The following BARD1 variants were observed in gnomAD, a reference collection of about 807,000 sequenced individuals.
The protein encoded by BARD1 is BRCA1 associated RING domain 1, also known as BRCA1-associated RING domain protein 1.
A neutral mutation model predicts 77.0 loss-of-function variants in BARD1; 73 were observed. The observed-to-expected ratio is 0.95, with a 90% confidence interval of 0.79 to 1.15. BARD1 has a LOEUF of 1.15. Among genes scored for constraint, BARD1 ranks in the 50% most tolerant of loss-of-function variants. The probability of loss-of-function intolerance (pLI) is 0.00; values close to 1 mark genes in which losing one functional copy is unlikely to be tolerated. For missense variants in BARD1, 993 were observed against 938.8 expected, an observed-to-expected ratio of 1.06 and a Z score of -0.75; for synonymous variants, 384 against 338.0, an observed-to-expected ratio of 1.14 and a Z score of -1.49.
At chr2:214,748,475 A>G (rs1202053683) in intron 7 of BARD1, among the ~76,000 whole-genome samples, 1 of 152,140 alleles carries the variant, frequency 6.6e-6, no homozygotes, top group African/African-American at 2.4e-5. Context: ...TTTCTTAGAT[A>G]AAATCATTAG....
At position 214,726,487 on chromosome 2, in the gene BARD1, T is replaced by C. The variant is rs191039172; in HGVS notation, c.*2189A>G. On this transcript the variant is annotated 3_prime_UTR_variant, in exon 11 of 11. Transcript: ENST00000260947. ...AGGTAATAAAGTATCTAGTACACTTTAGAAATATTTTTATTCAAAATTAAT... is the reference window on the plus strand; with the variant it reads ...AGGTAATAAAGTATCTAGTACACTTCAGAAATATTTTTATTCAAAATTAAT... The C allele has an allele frequency of 1.7e-4, 36 of 217,602 alleles. No homozygotes were observed. The highest frequency in any genetic ancestry group is 5.8e-4 in the African/African-American group (26 of 44,674). 13.5% of individuals were successfully genotyped at this position (217,602 alleles called of 1,614,324 possible).
chr2:214,793,960 AG>A (rs1190470606), intron 2 of BARD1, among the ~76,000 whole-genome samples: 1 of 152,166 alleles, frequency 6.6e-6, no homozygotes, highest in African/African-American at 2.4e-5. Context: ...TAAAGAAAAC[AG>A]CACTTGTTGG....
intron 4 of BARD1, among the ~76,000 whole-genome samples, chr2:214,778,895 T>C (rs916729468): frequency 6.6e-6 from 1 of 152,186 alleles, no homozygotes; most frequent in East Asian, 1.9e-4. Context: ...GCTTGCCTGA[T>C]AGTCCAAAAA....
chr2:214,777,103 T>C (rs1198803674), intron 4 of BARD1, among the ~76,000 whole-genome samples: 9 of 152,136 alleles, frequency 5.9e-5, no homozygotes, highest in Non-Finnish European at 1.2e-4. Context: ...GACAACATGA[T>C]TTTAGTGTGA....
At chr2:214,790,896 G>A (rs1345240223) in intron 3 of BARD1, among the ~76,000 whole-genome samples, 16 of 152,138 alleles carry the variant, frequency 1.1e-4, no homozygotes, top group Non-Finnish European at 1.3e-4. Context: ...ATGGGCCCTT[G>A]ATTAAGAACC....
intron 6 of BARD1, among the ~76,000 whole-genome samples, chr2:214,766,800 G>A (rs370494228): frequency 2.0e-5 from 3 of 151,946 alleles, no homozygotes; most frequent in East Asian, 1.9e-4. Context: ...ACTTATTATC[G>A]TAGTGTTATT....
At chr2:214,787,250 G>A (rs963606875) in intron 3 of BARD1, among the ~76,000 whole-genome samples, 2 of 151,698 alleles carry the variant, frequency 1.3e-5, no homozygotes, top group African/African-American at 2.4e-5. Context: ...ATAAAAAGAA[G>A]AAATTTCATA....
chr2:214,783,867 C>G (rs1695152762), intron 3 of BARD1, among the ~76,000 whole-genome samples: 1 of 152,086 alleles, frequency 6.6e-6, no homozygotes, highest in Admixed American at 6.6e-5. Flanking sequence ...TAAAAATTAA[C>G]TCAACATGGA....
In BARD1 at chr2:214,769,267, G is replaced by T; in HGVS notation, c.1360C>A (p.Pro454Thr). ...VEYLLQNGSD[P>T]NVKDHAGWTP... ...CATCCAGCATGGTCTTTAACATTTG[G>T]ATCACTTCCATTTTGTAAAAGGTAT... Residue 454 changes from proline to threonine, a missense_variant, in exon 5 of 11, where the codon CCA becomes ACA. Physicochemically the swap from Pro to Thr is conservative, Grantham distance 38. Coordinates refer to ENST00000260947, the MANE Select transcript of BARD1 (RefSeq NM_000465.4). The T allele has an allele frequency of 1.2e-6, 2 of 1,613,750 alleles. No homozygotes were observed. The highest frequency in any genetic ancestry group is 1.7e-6 in the Non-Finnish European group (2 of 1,179,730).
intron 4 of BARD1, among the ~76,000 whole-genome samples, chr2:214,778,755 A>G (rs901454909): frequency 3.9e-5 from 6 of 152,172 alleles, no homozygotes; most frequent in African/African-American, 1.4e-4. Context: ...GCAAAGCTGA[A>G]AACATTTACT....
Position 214,809,426 on chromosome 2 carries a change from C to A in BARD1, c.144G>T (p.Leu48=), listed in dbSNP as rs151168457. 6.2e-7 allele frequency: 1 copy of A among 1,612,482 alleles called. No homozygotes were observed. The change falls in exon 1 of 11, where the codon CTG becomes CTT. Residue 48 remains leucine (L), a synonymous_variant. Transcript: ENST00000260947. ...RAALDRLEKL[L]RCSRCTNILR... ...TCCGTCTTTACCAACGCGAGCAGCG[C>A]AGCAGCTTCTCCAGGCGGTCGAGCG...
intron 4 of BARD1, among the ~76,000 whole-genome samples, chr2:214,777,205 C>T (rs1005615655): frequency 2.5e-4 from 38 of 152,054 alleles, no homozygotes; most frequent in African/African-American, 8.5e-4. Flanking sequence ...TTTGTTTTGG[C>T]ACCAATAGAA....
chr2:214,767,444 G>C (rs1694255068), intron 6 of BARD1, 38 bp downstream of exon 6: 5 of 1,586,734 alleles, frequency 3.2e-6, no homozygotes, highest in Admixed American at 1.7e-5. Context: ...AAGAATATAG[G>C]TCCATTTTAA....
At chr2:214,803,811 C>T (rs561758411) in intron 1 of BARD1, among the ~76,000 whole-genome samples, 1 of 152,116 alleles carries the variant, frequency 6.6e-6, no homozygotes, top group Admixed American at 6.5e-5. Flanking sequence ...TTCCACCTTA[C>T]GAGAAACACC....
chr2:214,769,360 G>A (rs1399836585), intron 4 of BARD1, 48 bp from the exon 5 acceptor site: 4 of 1,452,594 alleles, frequency 2.8e-6, no homozygotes, highest in South Asian at 1.1e-5. Context: ...AGGAAAGAAA[G>A]GAAAATATTG....
At chr2:214,757,586 G>A (rs925207348) in intron 6 of BARD1, among the ~76,000 whole-genome samples, 6 of 151,986 alleles carry the variant, frequency 3.9e-5, no homozygotes, top group Non-Finnish European at 5.9e-5. Context: ...AGCAATAATC[G>A]TTTATTTATT....
intron 1 of BARD1, among the ~76,000 whole-genome samples, chr2:214,801,479 TA>T (rs879858461): frequency 1.5e-3 from 235 of 151,792 alleles, no homozygotes; most frequent in African/African-American, 5.5e-3. Context: ...TGTTTACCAT[TA>T]AAAAAAAATT....
chr2:214,782,373 A>G (rs1171162479), intron 3 of BARD1, among the ~76,000 whole-genome samples: 1 of 152,122 alleles, frequency 6.6e-6, no homozygotes, highest in African/African-American at 2.4e-5. Context: ...AGTGACTGAA[A>G]GGGAGCACAA....
chr2:214,809,207 G>C (rs1162117720), intron 1 of BARD1, among the ~76,000 whole-genome samples: 2 of 152,206 alleles, frequency 1.3e-5, no homozygotes, highest in African/African-American at 4.8e-5. Flanking sequence ...CAGGGCAAGG[G>C]GAGGCCGGTA....
Sources: allele counts gnomAD v4.1 joint callset (sites outside exome capture counted in the v4.1 genomes callset), GRCh38; gene constraint gnomAD v4.1.1; transcripts MANE v1.5; gene names NCBI Gene and HGNC (gene_info 2026-07-23, HGNC 2026-07-21).